The following MKLN1 variants were observed in gnomAD, a reference collection of about 807,000 sequenced individuals.
The protein encoded by MKLN1 is muskelin 1, also known as muskelin.
In MKLN1, 18 loss-of-function variants were observed where a neutral mutation model predicts 99.0. That is an observed-to-expected ratio of 0.18 (90% CI 0.13 to 0.27). The LOEUF (loss-of-function observed/expected upper bound fraction) is 0.27. Among genes scored for constraint, MKLN1 ranks in the 10% least tolerant of loss-of-function variants. The pLI is 1.00. For missense variants in MKLN1, 621 were observed against 875.9 expected (o/e 0.71, Z 3.67); for synonymous variants, 288 against 293.2 (o/e 0.98, Z 0.18).
At chr7:131,396,172 A>G (rs1201885286) in intron 4 of MKLN1, among the ~76,000 whole-genome samples, 1 of 152,160 alleles carries the variant, frequency 6.6e-6, no homozygotes, top group Non-Finnish European at 1.5e-5. Flanking sequence ...TCCTGGGTTC[A>G]AGTGATTCTC....
At chr7:131,285,892 G>A (rs1798123409) in intron 3 of MKLN1, among the ~76,000 whole-genome samples, 1 of 151,538 alleles carries the variant, frequency 6.6e-6, no homozygotes, top group Non-Finnish European at 1.5e-5. Flanking sequence ...TCATCATATT[G>A]CGTGACAATT....
chr7:131,422,563 T>C (rs1176876941), intron 8 of MKLN1, among the ~76,000 whole-genome samples: 1 of 152,072 alleles, frequency 6.6e-6, no homozygotes, highest in East Asian at 1.9e-4. Flanking sequence ...CCGGAAATTG[T>C]TTTAAAAAAA....
In MKLN1 at chr7:131,356,392, C is replaced by T. The variant is rs1030027978; in HGVS notation, c.99-19032C>T. On this transcript the variant is annotated intron_variant, in intron 1 of 17. Transcript: ENST00000352689. The stretch of plus-strand genomic sequence containing the variant: ...CTCCTGGTGTGCATGTGGGGTGGAG[C>T]CCCCTACTGCCCTGCTCATACCTGA... Among the ~76,000 whole-genome samples the T allele has an allele frequency of 2.0e-5, 3 of 152,088 alleles. No individual in the cohort carries two copies. The South Asian group carries it at 6.2e-4, about 32-fold the overall frequency.
chr7:131,378,248 A>G (rs1159900157), intron 2 of MKLN1, among the ~76,000 whole-genome samples: 1 of 152,016 alleles, frequency 6.6e-6, no homozygotes, highest in Non-Finnish European at 1.5e-5. Context: ...AGTAGCTGGG[A>G]TTATAGGCGT....
intron 1 of MKLN1, among the ~76,000 whole-genome samples, chr7:131,355,703 C>G (rs1347636323): frequency 6.9e-6 from 1 of 145,088 alleles, no homozygotes; most frequent in African/African-American, 2.6e-5. Context: ...CTCTTTGGTC[C>G]AGGCTGGAGT....
chr7:131,175,251 G>GATATATAGATAGATAGATA, intron 2 of MKLN1, among the ~76,000 whole-genome samples: 1 of 150,276 alleles, frequency 6.7e-6, no homozygotes, highest in South Asian at 2.1e-4. Flanking sequence ...TGGATGGATA[G>GATATATAGATAGATAGATA]ATAGATAGAT....
intron 15 of MKLN1, among the ~76,000 whole-genome samples, chr7:131,468,575 TC>T (rs1796722427): frequency 6.6e-6 from 1 of 152,198 alleles, no homozygotes; most frequent in East Asian, 1.9e-4. Context: ...CTTACTGATG[TC>T]ACTTGATATA....
intron 2 of MKLN1, among the ~76,000 whole-genome samples, chr7:131,379,798 A>G (rs1291738989): frequency 6.6e-6 from 1 of 152,224 alleles, no homozygotes; most frequent in Non-Finnish European, 1.5e-5. Flanking sequence ...GCATCCCTGT[A>G]TCAAAACATC....
At chr7:131,419,481 A>G (rs1795128966) in intron 8 of MKLN1, among the ~76,000 whole-genome samples, 1 of 151,954 alleles carries the variant, frequency 6.6e-6, no homozygotes, top group Admixed American at 6.6e-5. Flanking sequence ...ACCTCAGGTG[A>G]TCATCCTGCC....
chr7:131,222,729 A>G (rs1317714354), intron 3 of MKLN1, among the ~76,000 whole-genome samples: 2 of 152,050 alleles, frequency 1.3e-5, no homozygotes, highest in African/African-American at 4.8e-5. Context: ...TAAAAATACA[A>G]TTTCAGGCCG....
rs78622929 is a variant in MKLN1, at chr7:131,322,018, G to C, written c.-178-53406G>C. 1.4e-4 allele frequency among the ~76,000 whole-genome samples: 21 copies of C among 152,316 alleles called. No homozygotes were observed. In the East Asian group the frequency reaches 4.1e-3, roughly 29 times the overall value. On this transcript the variant is annotated intron_variant, in intron 3 of 7. Transcript: ENST00000416992. ...ATCAATAACAATTGGTATCCCAAAA[G>C]GTTAAGAATCATACAATACTTTAAA... is the stretch of plus-strand genomic sequence containing the variant.
rs370528085 is a variant in MKLN1, at chr7:131,470,720, T to G, written c.1929-122T>G. ...TAATTCTGGATTCCTAAACTGACAT[T>G]TTCTAAATATCCAGAACAACTCCTC... On this transcript the variant is annotated intron_variant, in intron 15 of 17. Coordinates refer to ENST00000352689, the MANE Select transcript of MKLN1 (RefSeq NM_013255.5). 11 of 675,670 alleles carry G rather than the reference T, an allele frequency of 1.6e-5. No homozygotes were observed. In the South Asian group the frequency reaches 2.0e-4, roughly 12 times the overall value. The allele number at this position is 675,670 out of a possible 1,614,324, so 41.9% of individuals were successfully genotyped here. A position where few individuals can be genotyped will look rare whatever the true frequency, so the allele number is the denominator to read the frequency against.
intron 12 of MKLN1, among the ~76,000 whole-genome samples, chr7:131,456,031 G>A (rs2116573578): frequency 7.6e-6 from 1 of 131,728 alleles, no homozygotes; most frequent in Non-Finnish European, 1.6e-5. Flanking sequence ...GAGTGACAGA[G>A]TGAGACTCTG....
At chr7:131,111,799 T>C (rs1422083961) in intron 1 of MKLN1, among the ~76,000 whole-genome samples, 2 of 142,864 alleles carry the variant, frequency 1.4e-5, no homozygotes, top group East Asian at 2.0e-4. Context: ...AATAAATAAA[T>C]ACATGTCGAA....
At chr7:131,267,973 G>GT (rs1006648196) in intron 3 of MKLN1, among the ~76,000 whole-genome samples, 8 of 152,038 alleles carry the variant, frequency 5.3e-5, no homozygotes, top group East Asian at 1.9e-4. Context: ...TTTCTTACCA[G>GT]TTTTTTTTCT....
At position 131,153,654 on chromosome 7, in the gene MKLN1, G is replaced by GTT. The variant is rs1326196270; in HGVS notation, c.-297+10720_-297+10721dup. ...CTGTGTAGCTACAAAATGAAAGTAG[G>GTT]TTTTTTTTGGTTTTTTTTTTTTTTT... On this transcript the variant is annotated intron_variant, in intron 2 of 7. Coordinates refer to the MKLN1 transcript ENST00000416992. 4.8e-5 allele frequency among the ~76,000 whole-genome samples: 3 copies of GTT among 62,480 alleles called. 1 individual carries two copies. Among genetic ancestry groups the GTT allele is most frequent in the East Asian group, 1.5e-3 (2 of 1,320 alleles). 41.0% of individuals were successfully genotyped at this position (62,480 alleles called of 152,430 possible).
chr7:131,120,848 C>T (rs1795356337), intron 1 of MKLN1, among the ~76,000 whole-genome samples: 1 of 152,182 alleles, frequency 6.6e-6, no homozygotes, highest in Non-Finnish European at 1.5e-5. Context: ...TTCTTCTAAG[C>T]CCTCCAAAGT....
At chr7:131,137,698 C>A (rs2116247993) in intron 1 of MKLN1, among the ~76,000 whole-genome samples, 1 of 150,946 alleles carries the variant, frequency 6.6e-6, no homozygotes, top group South Asian at 2.1e-4. Context: ...CCTCAGCCTC[C>A]CAAGTAGCTG....
intron 1 of MKLN1, among the ~76,000 whole-genome samples, chr7:131,124,728 G>A (rs909017200): frequency 6.6e-6 from 1 of 152,072 alleles, no homozygotes; most frequent in Non-Finnish European, 1.5e-5. Flanking sequence ...TGGGTCCCTT[G>A]TCTTGAACCC....
Sources: gnomAD v4.1 joint callset for allele counts (sites outside exome capture counted in the v4.1 genomes callset) on GRCh38, gnomAD v4.1.1 for gene constraint, MANE v1.5 for transcripts, NCBI Gene and HGNC (gene_info 2026-07-23, HGNC 2026-07-21) for gene names.